The following OLFML2A variants were observed in gnomAD, a reference collection of about 807,000 sequenced individuals.
The protein encoded by OLFML2A is olfactomedin-like protein 2A.
A neutral mutation model predicts 60.9 loss-of-function variants in OLFML2A; 47 were observed. The ratio of observed to expected loss-of-function variants is 0.77; its 90% CI spans 0.61 to 0.98. OLFML2A has a LOEUF of 0.98. OLFML2A is among the 50% of genes least tolerant of loss of function. The probability of loss-of-function intolerance (pLI) is 0.00; values close to 1 mark genes in which losing one functional copy is unlikely to be tolerated. For missense variants in OLFML2A, 922 were observed against 879.8 expected (o/e 1.05, Z -0.61); for synonymous variants, 372 against 375.0 (o/e 0.99, Z 0.09).
At chr9:124,806,522 A>AT (rs60746989) in intron 6 of OLFML2A, among the ~76,000 whole-genome samples, 103,145 of 143,268 alleles carry the variant, frequency 0.72, 35,689 homozygotes, top group East Asian at 0.93. Flanking sequence ...CATCTCCTCA[A>AT]TCCCCCCATC....
Position 124,787,178 on chromosome 9 carries a change from C to A in OLFML2A, c.294C>A (p.Asn98Lys), listed in dbSNP as rs375557251. The change falls in exon 2 of 8, where the codon AAC (asparagine) becomes AAA (lysine). Residue 98 changes from asparagine to lysine, a missense_variant. Asn to Lys is a moderately conservative substitution (Grantham distance 94). Transcript: ENST00000373580. ...GTACCGCACCTCCCTCCTCTCTCAA[C>A]CCCTGTGAGAACGAGTGGAAGATGG... ...CSCTAPPSSL[N>K]PCENEWKMEK... 5.0e-6 allele frequency: 8 copies of A among 1,614,010 alleles called. No homozygotes were observed. Among genetic ancestry groups the A allele is most frequent in the Non-Finnish European group, 5.1e-6 (6 of 1,179,974 alleles).
chr9:124,799,484 A>G lies in OLFML2A; in HGVS notation c.662A>G (p.Lys221Arg). ...PATPATGTGS[K>R]AQDTARGKGK... is the part of the protein sequence containing the mutation. Reference sequence around the variant, plus strand: ...ACCCCTGCCACGGGCACTGGTAGCAAGGCCCAGGTGAGGCCCCAGCTCTGA... The same window carrying G: ...ACCCCTGCCACGGGCACTGGTAGCAGGGCCCAGGTGAGGCCCCAGCTCTGA... The change falls in exon 4 of 8, where the codon AAG becomes AGG. Residue 221 changes from lysine to arginine, a missense_variant. By Grantham distance (26) the Lys-to-Arg change is conservative. Coordinates refer to ENST00000373580, the MANE Select transcript of OLFML2A (RefSeq NM_182487.4). The G allele has an allele frequency of 1.3e-6, 2 of 1,593,146 alleles. No individual in the cohort carries two copies. Among genetic ancestry groups the G allele is most frequent in the Non-Finnish European group, 1.7e-6 (2 of 1,170,776 alleles).
intron 5 of OLFML2A, 71 bp from the exon 6 acceptor site, chr9:124,804,023 G>A: frequency 4.5e-6 from 7 of 1,552,146 alleles, no homozygotes; most frequent in Non-Finnish European, 6.1e-6. Flanking sequence ...TGGGGGCCCA[G>A]TGGACCTTAG....
At chr9:124,808,301 C>T (rs766877089) in intron 7 of OLFML2A, among the ~76,000 whole-genome samples, 4 of 152,206 alleles carry the variant, frequency 2.6e-5, no homozygotes, top group Non-Finnish European at 5.9e-5. Context: ...GTGCTGATCT[C>T]GCCCCCCGTG....
chr9:124,780,122 G>T (rs1239236356), intron 1 of OLFML2A, among the ~76,000 whole-genome samples: 1 of 152,186 alleles, frequency 6.6e-6, no homozygotes, highest in Non-Finnish European at 1.5e-5. Context: ...TGCTTTGTCG[G>T]GGCTGGGAGG....
intron 7 of OLFML2A, 103 bp downstream of exon 7, chr9:124,808,069 A>C (rs929628953): frequency 1.8e-5 from 15 of 851,080 alleles, no homozygotes; most frequent in Non-Finnish European, 2.8e-5. Context: ...TCTATGGTAT[A>C]GGCTGGTTGA....
chr9:124,810,128 T>C lies in OLFML2A; in HGVS notation c.1675T>C (p.Ser559Pro). ...GAGTCGCTTGGACCCCGGCGATCTC[T>C]CCGTGCACCGGGAGACCACGTGGAA... The part of the protein sequence containing the change: ...VLSRLDPGDL[S>P]VHRETTWKTR... The change falls in exon 8 of 8, where the codon TCC (serine) becomes CCC (proline). Residue 559 changes from serine to proline, a missense_variant. Physicochemically the swap from Ser to Pro is moderately conservative, Grantham distance 74. Coordinates refer to ENST00000373580, the MANE Select transcript of OLFML2A (RefSeq NM_182487.4). 6.2e-7 allele frequency: 1 copy of C among 1,613,846 alleles called. No individual in the cohort carries two copies.
In OLFML2A at chr9:124,777,436, C is replaced by A; in HGVS notation, c.90+76C>A. On this transcript the variant is annotated intron_variant, in intron 1 of 7. Coordinates refer to ENST00000373580, the MANE Select transcript of OLFML2A (RefSeq NM_182487.4). This position sits in a 1 kb window ranked among gnomAD's most constrained non-coding sequence, Gnocchi z 6.2. ...GGGGCGCTGTGGCTGGGGTGCGGCCCGGGAGGGAGCCCGGGGCCAGGGCGG... is the reference window on the plus strand; with the variant it reads ...GGGGCGCTGTGGCTGGGGTGCGGCCAGGGAGGGAGCCCGGGGCCAGGGCGG... 16 of 1,206,848 alleles carry A rather than the reference C, an allele frequency of 1.3e-5. No individual in the cohort carries two copies. The highest frequency in any genetic ancestry group is 1.6e-5 in the African/African-American group (1 of 63,424). 74.8% of individuals were successfully genotyped at this position (1,206,848 alleles called of 1,614,324 possible). A position where few individuals can be genotyped will look rare whatever the true frequency, so the allele number is the denominator to read the frequency against.
At chr9:124,790,476 G>A (rs1841550454) in intron 2 of OLFML2A, among the ~76,000 whole-genome samples, 1 of 152,066 alleles carries the variant, frequency 6.6e-6, no homozygotes, top group Admixed American at 6.6e-5. Flanking sequence ...ATTAAGATTT[G>A]AACCCAGGAA....
rs897362375 is a variant in OLFML2A, at chr9:124,777,221, C to T, written c.-50C>T. On this transcript the variant is annotated 5_prime_UTR_variant, in exon 1 of 8. Coordinates refer to ENST00000373580, the MANE Select transcript of OLFML2A (RefSeq NM_182487.4). This position sits in a 1 kb window ranked among gnomAD's most constrained non-coding sequence, Gnocchi z 6.2. ...CGCGGAGCTCGCAGTGCAGCCCGCG[C>T]TTCCCAGCGTCCGTGCCCGGCCGCC... The T allele has an allele frequency of 5.6e-5, 41 of 732,982 alleles. No individual in the cohort carries two copies. In the African/African-American group the frequency reaches 6.5e-4, roughly 12 times the overall value. The allele number at this position is 732,982 out of a possible 1,614,324, so 45.4% of individuals were successfully genotyped here.
chr9:124,800,369 T>C (rs1483044830), intron 4 of OLFML2A, among the ~76,000 whole-genome samples: 1 of 152,204 alleles, frequency 6.6e-6, no homozygotes, highest in Non-Finnish European at 1.5e-5. Flanking sequence ...TACTTTAAAC[T>C]TGACTTTCTC....
Position 124,814,116 on chromosome 9 carries a change from A to C in OLFML2A, c.*3704A>C, listed in dbSNP as rs367742431. 4 of 152,318 alleles carry C rather than the reference A, an allele frequency of 2.6e-5. No individual in the cohort carries two copies. Among genetic ancestry groups the C allele is most frequent in the South Asian group, 2.1e-4 (1 of 4,824 alleles). The allele number at this position is 152,318 out of a possible 1,614,324, so 9.4% of individuals were successfully genotyped here. A position where few individuals can be genotyped will look rare whatever the true frequency, so the allele number is the denominator to read the frequency against. ...TAATCGGCTTTCTCTGCGGTGGGGT[A>C]GAGAATGGAGCTCCCGCCTTGCGGG... is the stretch of plus-strand genomic sequence containing the variant. On this transcript the variant is annotated 3_prime_UTR_variant, in exon 8 of 8. Transcript: ENST00000373580.
chr9:124,778,949 G>C, intron 1 of OLFML2A: 1 of 985,162 alleles, frequency 1.0e-6, no homozygotes. Flanking sequence ...TGTCCTGCCT[G>C]CCCACGGACA....
rs754842600 is a variant in OLFML2A, at chr9:124,813,295, G to C, written c.*2883G>C. ...GTCACATTGGCGCCTAGAACAGTTA[G>C]GTCGCTCGTCACATAGGCAGTTAAG... On this transcript the variant is annotated 3_prime_UTR_variant, in exon 8 of 8. Coordinates refer to ENST00000373580, the MANE Select transcript of OLFML2A (RefSeq NM_182487.4). The C allele has an allele frequency of 2.0e-5, 3 of 152,188 alleles. No homozygotes were observed. Among genetic ancestry groups the C allele is most frequent in the African/African-American group, 4.8e-5 (2 of 41,436 alleles). The allele number at this position is 152,188 out of a possible 1,614,324, so 9.4% of individuals were successfully genotyped here. A position where few individuals can be genotyped will look rare whatever the true frequency, so the allele number is the denominator to read the frequency against.
At chr9:124,799,566 G>A in intron 4 of OLFML2A, 75 bp downstream of exon 4, 1 of 1,245,534 alleles carries the variant, frequency 8.0e-7, no homozygotes, top group Non-Finnish European at 1.1e-6. Context: ...CGTTGGCCCT[G>A]TGGATCAGCT....
At chr9:124,781,748 C>T (rs903177719) in intron 1 of OLFML2A, among the ~76,000 whole-genome samples, 3 of 150,994 alleles carry the variant, frequency 2.0e-5, no homozygotes, top group African/African-American at 2.4e-5. Flanking sequence ...GAGCCAAGAT[C>T]GCGCCATTGC....
rs746534664 is a variant in OLFML2A, at chr9:124,809,871, A to G, written c.1418A>G (p.Gln473Arg). 95 of 1,613,948 alleles carry G rather than the reference A, an allele frequency of 5.9e-5. No individual in the cohort carries two copies. Among genetic ancestry groups the G allele is most frequent in the Non-Finnish European group, 7.7e-5 (91 of 1,180,020 alleles). The change falls in exon 8 of 8, where the codon CAG (glutamine) becomes CGG (arginine). Residue 473 changes from glutamine (Q) to arginine (R), a missense_variant. Physicochemically the swap from Gln to Arg is conservative, Grantham distance 43. Coordinates refer to ENST00000373580, the MANE Select transcript of OLFML2A (RefSeq NM_182487.4). Reference sequence around the variant, plus strand: ...ATCGGCACAGGCCACGTGGTGTACCAGGGCGCCTTCTACTACAACCGCGCC... The same window carrying G: ...ATCGGCACAGGCCACGTGGTGTACCGGGGCGCCTTCTACTACAACCGCGCC... ...NWIGTGHVVY[Q>R]GAFYYNRAFT... is the part of the protein sequence containing the mutation.
At position 124,779,731 on chromosome 9, in the gene OLFML2A, G is replaced by T. The variant is rs988554288; in HGVS notation, c.90+2371G>T. ...ATCAAGTGATGGGTGAATTTACTCT[G>T]CATTCCTTAGCTGAGCCAGACTCCT... On this transcript the variant is annotated intron_variant, in intron 1 of 7. Transcript: ENST00000373580. The surrounding 1 kb of genome is among the most constrained non-coding windows in gnomAD (Gnocchi z 4.1). Among the ~76,000 whole-genome samples the T allele has an allele frequency of 3.9e-5, 6 of 152,100 alleles. No individual in the cohort carries two copies. Among genetic ancestry groups the T allele is most frequent in the African/African-American group, 1.2e-4 (5 of 41,416 alleles).
intron 5 of OLFML2A, 105 bp downstream of exon 5, chr9:124,801,768 A>G: frequency 8.0e-7 from 1 of 1,245,420 alleles, no homozygotes; most frequent in South Asian, 1.5e-5. Flanking sequence ...AGTTCCACCC[A>G]TTGATTACCT....
Sources: gnomAD v4.1 joint callset for allele counts (sites outside exome capture counted in the v4.1 genomes callset) on GRCh38, gnomAD v4.1.1 for gene constraint, Gnocchi (gnomAD v3.1) non-coding constraint, MANE v1.5 for transcripts, NCBI Gene and HGNC (gene_info 2026-07-23, HGNC 2026-07-21) for gene names.